The following LRCH1 variants were observed in gnomAD, a reference collection of about 807,000 sequenced individuals.
LRCH1 encodes the protein leucine-rich repeat and calponin homology domain-containing protein 1.
A neutral mutation model predicts 94.9 loss-of-function variants in LRCH1; 23 were observed. That is an observed-to-expected ratio of 0.24 (90% CI 0.17 to 0.34). The LOEUF is 0.34. Among genes scored for constraint, LRCH1 ranks in the 10% least tolerant of loss-of-function variants. The probability of loss-of-function intolerance (pLI) is 1.00; values close to 1 mark genes in which losing one functional copy is unlikely to be tolerated. For synonymous variants in LRCH1, 364 were observed against 354.9 expected, an observed-to-expected ratio of 1.03 and a Z score of -0.29; for missense variants, 790 against 945.9, an observed-to-expected ratio of 0.84 and a Z score of 2.16.
At chr13:46,707,893 T>G (rs1871849815) in intron 13 of LRCH1, among the ~76,000 whole-genome samples, 1 of 152,232 alleles carries the variant, frequency 6.6e-6, no homozygotes, top group African/African-American at 2.4e-5. Flanking sequence ...CTTACGAGTT[T>G]ACATTCTAGG....
At chr13:46,576,162 G>A (rs567325814) in intron 1 of LRCH1, among the ~76,000 whole-genome samples, 11 of 152,262 alleles carry the variant, frequency 7.2e-5, no homozygotes, top group Admixed American at 1.3e-4. Context: ...GACATTTGCC[G>A]TGAGCCTTTT....
intron 1 of LRCH1, among the ~76,000 whole-genome samples, chr13:46,619,493 A>T (rs1210383416): frequency 6.6e-6 from 1 of 152,208 alleles, no homozygotes; most frequent in African/African-American, 2.4e-5. Flanking sequence ...TTTTCGGGAA[A>T]TCCATTAAGG....
intron 1 of LRCH1, among the ~76,000 whole-genome samples, chr13:46,640,398 G>A (rs2051143590): frequency 6.6e-6 from 1 of 152,162 alleles, no homozygotes; most frequent in Non-Finnish European, 1.5e-5. Context: ...GAGAAATTAA[G>A]TAATTACTTC....
At chr13:46,741,589 T>C in intron 19 of LRCH1, 53 bp from the exon 20 acceptor site, 4 of 1,608,844 alleles carry the variant, frequency 2.5e-6, no homozygotes, top group Non-Finnish European at 3.4e-6. Context: ...CCTCCGTGTA[T>C]TTTTAATTGT....
At chr13:46,622,713 T>C (rs1489032675) in intron 1 of LRCH1, among the ~76,000 whole-genome samples, 1 of 152,216 alleles carries the variant, frequency 6.6e-6, no homozygotes, top group Admixed American at 6.5e-5. Flanking sequence ...TGGGGCTAGT[T>C]TGTGTATTGA....
chr13:46,713,267 C>G (rs546753040), intron 15 of LRCH1, among the ~76,000 whole-genome samples: 27 of 152,284 alleles, frequency 1.8e-4, no homozygotes, highest in African/African-American at 6.5e-4. Flanking sequence ...AATCTTCCTT[C>G]TTTTAGGTCT....
At chr13:46,734,356 T>C (rs375405355) in intron 19 of LRCH1, among the ~76,000 whole-genome samples, 4 of 152,324 alleles carry the variant, frequency 2.6e-5, no homozygotes, top group East Asian at 3.9e-4. Flanking sequence ...TTGGAGCTGA[T>C]GGTTTTCTTA....
chr13:46,683,133 C>T (rs1171568588), intron 4 of LRCH1, among the ~76,000 whole-genome samples: 1 of 152,168 alleles, frequency 6.6e-6, no homozygotes, highest in African/African-American at 2.4e-5. Flanking sequence ...TGGAAACAGT[C>T]AGCATTTGGT....
chr13:46,738,600 T>A (rs1407120759), intron 19 of LRCH1, among the ~76,000 whole-genome samples: 1 of 152,212 alleles, frequency 6.6e-6, no homozygotes, highest in African/African-American at 2.4e-5. Flanking sequence ...CCTTATCTTC[T>A]CTGAGCCTTA....
chr13:46,560,298 T>C (rs927976863), intron 1 of LRCH1, among the ~76,000 whole-genome samples: 1 of 152,082 alleles, frequency 6.6e-6, no homozygotes, highest in Non-Finnish European at 1.5e-5. Context: ...AAGGTGGTTA[T>C]GGGTTTGTCA....
chr13:46,595,784 T>C (rs539624257), intron 1 of LRCH1, among the ~76,000 whole-genome samples: 5 of 151,434 alleles, frequency 3.3e-5, no homozygotes, highest in South Asian at 4.2e-4. Context: ...AGGCACATAC[T>C]GGTTGTTCTA....
intron 4 of LRCH1, among the ~76,000 whole-genome samples, chr13:46,684,900 C>T (rs923433997): frequency 7.2e-5 from 11 of 152,186 alleles, no homozygotes; most frequent in Admixed American, 5.2e-4. Flanking sequence ...TTTGACATAA[C>T]GTAGCTGAGT....
At chr13:46,725,677 G>A (rs73193037) in intron 17 of LRCH1, among the ~76,000 whole-genome samples, 2,130 of 152,258 alleles carry the variant, frequency 0.014, 18 homozygotes, top group Non-Finnish European at 0.024. Context: ...CTTTTTATAT[G>A]GTTTAGCAAA....
In LRCH1 at chr13:46,743,946, T is replaced by C. The variant is rs142851309; in HGVS notation, c.*2098T>C. ...TGATTTTTTTTGTGTCATTAATTTGTCTGTACTCTGCTGCGCTGCACTTCT... is the reference window on the plus strand; with the variant it reads ...TGATTTTTTTTGTGTCATTAATTTGCCTGTACTCTGCTGCGCTGCACTTCT... On this transcript the variant is annotated 3_prime_UTR_variant, in exon 20 of 20. Transcript: ENST00000389797. 1 of 985,464 alleles carries C rather than the reference T, an allele frequency of 1.0e-6. No individual in the cohort carries two copies. Among genetic ancestry groups the C allele is most frequent in the Non-Finnish European group, 1.2e-6 (1 of 829,932 alleles). The allele number at this position is 985,464 out of a possible 1,614,324, so 61.0% of individuals were successfully genotyped here.
intron 1 of LRCH1, among the ~76,000 whole-genome samples, chr13:46,611,234 T>A (rs2050744163): frequency 6.6e-6 from 1 of 152,198 alleles, no homozygotes; most frequent in African/African-American, 2.4e-5. Flanking sequence ...ACCATCGGTT[T>A]ATGCTAGTGA....
intron 13 of LRCH1, among the ~76,000 whole-genome samples, chr13:46,707,139 A>T (rs776068817): frequency 2.6e-5 from 4 of 152,212 alleles, no homozygotes; most frequent in Non-Finnish European, 5.9e-5. Flanking sequence ...TGTAAGATCC[A>T]GTTTAGTTGC....
intron 2 of LRCH1, among the ~76,000 whole-genome samples, chr13:46,665,933 C>T (rs934379259): frequency 2.0e-5 from 3 of 152,204 alleles, no homozygotes; most frequent in African/African-American, 4.8e-5. Flanking sequence ...AGCTTTTCCT[C>T]TCCTGTCTAA....
intron 1 of LRCH1, among the ~76,000 whole-genome samples, chr13:46,631,668 G>A (rs927784913): frequency 8.6e-5 from 13 of 151,934 alleles, no homozygotes; most frequent in East Asian, 3.9e-4. Flanking sequence ...GTCATGTTTG[G>A]ATCTAGCTGT....
chr13:46,580,562 A>T (rs1320904670), intron 1 of LRCH1, among the ~76,000 whole-genome samples: 1 of 152,240 alleles, frequency 6.6e-6, no homozygotes, highest in Non-Finnish European at 1.5e-5. Flanking sequence ...TTGACCTGGA[A>T]CAAATCTCTA....
Sources: gnomAD v4.1 joint callset for allele counts (sites outside exome capture counted in the v4.1 genomes callset) on GRCh38, gnomAD v4.1.1 for gene constraint, MANE v1.5 for transcripts, NCBI Gene and HGNC (gene_info 2026-07-23, HGNC 2026-07-21) for gene names.